DDX17: variants seen among roughly 807,000 people sequenced by gnomAD.
DDX17 encodes the protein probable ATP-dependent RNA helicase DDX17.
In DDX17, 10 loss-of-function variants were observed where a neutral mutation model predicts 80.8. That is an observed-to-expected ratio of 0.12 (90% CI 0.08 to 0.21). DDX17 has a LOEUF of 0.21. DDX17 is among the 10% of genes least tolerant of loss of function. DDX17 has a pLI of 1.00. For missense variants in DDX17, 586 were observed against 957.4 expected (o/e 0.61, Z 5.12); for synonymous variants, 339 against 336.2 (o/e 1.01, Z -0.09).
chr22:38,501,252 G>C lies in DDX17; in HGVS notation c.316C>G (p.Pro106Ala). ...CCAGGATTACCAAATTTCTTCGGGG[G>C]AAGGCCACCACCACCTCTTGCTCCA... is the stretch of plus-strand genomic sequence containing the variant. The change falls in exon 2 of 13, where the codon CCC (proline) becomes GCC (alanine). Residue 106 changes from proline (P) to alanine (A), a missense_variant. By Grantham distance (27) the Pro-to-Ala change is conservative. Transcript: ENST00000403230. 7.4e-6 allele frequency: 12 copies of C among 1,612,230 alleles called. No individual in the cohort carries two copies. The highest frequency in any genetic ancestry group is 9.3e-6 in the Non-Finnish European group (11 of 1,179,192).
chr22:38,501,400 C>G, intron 1 of DDX17, 120 bp from the exon 2 acceptor site: 1 of 1,189,982 alleles, frequency 8.4e-7, no homozygotes, highest in Middle Eastern at 2.0e-4. Context: ...TCCAAAAAGA[C>G]CATTTTATTT....
At chr22:38,497,648 T>G (rs1260584485) in intron 5 of DDX17, among the ~76,000 whole-genome samples, 1 of 93,356 alleles carries the variant, frequency 1.1e-5, no homozygotes, top group Admixed American at 1.2e-4. Context: ...GAAAGAAGGC[T>G]GGACGCAGTG....
chr22:38,485,804 TG>T lies in DDX17; in HGVS notation c.*130del. 8.0e-7 allele frequency: 1 copy of T among 1,244,584 alleles called. No individual in the cohort carries two copies. The highest frequency in any genetic ancestry group is 1.0e-6 in the Non-Finnish European group (1 of 977,236). The allele number at this position is 1,244,584 out of a possible 1,614,324, so 77.1% of individuals were successfully genotyped here. A position where few individuals can be genotyped will look rare whatever the true frequency, so the allele number is the denominator to read the frequency against. The stretch of plus-strand genomic sequence containing the variant: ...GCATGAAAAGACAAATCACGATGGT[TG>T]GGGGGAAAAATTAAAAAAAAAAAAA... On this transcript the variant is annotated 3_prime_UTR_variant, in exon 13 of 13. Transcript: ENST00000403230.
intron 10 of DDX17, among the ~76,000 whole-genome samples, chr22:38,493,079 T>C (rs757041681): frequency 1.3e-4 from 20 of 152,312 alleles, no homozygotes; most frequent in East Asian, 1.9e-4. Context: ...ACGCTAAAAG[T>C]ACCCTCAGTA....
In DDX17 at chr22:38,486,352, G is replaced by C; in HGVS notation, c.1773C>G (p.Val591=). 1.2e-6 allele frequency: 2 copies of C among 1,614,140 alleles called. No individual in the cohort carries two copies. ...CAGAGTCTCTCCGGCCACCATCCTT[G>C]ACTCCTCGAAGCCTTCGGTCACACT... Residue 591 remains valine, a synonymous_variant, in exon 13 of 13, where the codon GTC becomes GTG. Transcript: ENST00000403230.
At position 38,484,854 on chromosome 22, in the gene DDX17, G is replaced by A. The variant is rs893126788; in HGVS notation, c.*1081C>T. On this transcript the variant is annotated 3_prime_UTR_variant, in exon 13 of 13. Coordinates refer to ENST00000403230, the MANE Select transcript of DDX17 (RefSeq NM_006386.5). The stretch of plus-strand genomic sequence containing the variant: ...GTTAGAAAGCACTGCAGAGAACAGG[G>A]TATGAAGAAAATAAAGAGTTCTTAA... 1.3e-5 allele frequency: 2 copies of A among 152,170 alleles called. No homozygotes were observed. The highest frequency in any genetic ancestry group is 2.4e-5 in the African/African-American group (1 of 41,422). The allele number at this position is 152,170 out of a possible 1,614,324, so 9.4% of individuals were successfully genotyped here.
chr22:38,486,122 G>C lies in DDX17; in HGVS notation c.2003C>G (p.Thr668Ser), dbSNP rs1200228220. ...GCTAGAGCTCTGTGAACTTCTCCCA[G>C]TTGAGGTGGTGCTACTAGCTCCATA... Residue 668 changes from threonine to serine, a missense_variant, in exon 13 of 13, where the codon ACT becomes AGT. Transcript: ENST00000403230. 3.1e-6 allele frequency: 5 copies of C among 1,614,118 alleles called. No homozygotes were observed. Among genetic ancestry groups the C allele is most frequent in the Non-Finnish European group, 3.4e-6 (4 of 1,180,058 alleles).
intron 1 of DDX17, among the ~76,000 whole-genome samples, chr22:38,504,619 A>T (rs1423648617): frequency 1.3e-5 from 2 of 152,176 alleles, no homozygotes; most frequent in Non-Finnish European, 2.9e-5. Flanking sequence ...TTCCTTCCTA[A>T]TAAGGTATAA....
Position 38,498,422 on chromosome 22 carries a change from T to C in DDX17, c.672+18A>G. 2 of 1,613,660 alleles carry C rather than the reference T, an allele frequency of 1.2e-6. No homozygotes were observed. The highest frequency in any genetic ancestry group is 1.7e-6 in the Non-Finnish European group (2 of 1,179,688). On this transcript the variant is annotated intron_variant, in intron 4 of 12. Coordinates refer to ENST00000403230, the MANE Select transcript of DDX17 (RefSeq NM_006386.5). ...TAAGTTACCACAATATCAAGGATCT[T>C]CTCTTGCTCATACATACCGCCAACG...
Position 38,488,354 on chromosome 22 carries a change from G to C in DDX17, c.1448-239C>G. 4.3e-6 allele frequency: 6 copies of C among 1,385,670 alleles called. No individual in the cohort carries two copies. In the South Asian group the frequency reaches 4.7e-5, roughly 11 times the overall value. The allele number at this position is 1,385,670 out of a possible 1,614,324, so 85.8% of individuals were successfully genotyped here. On this transcript the variant is annotated intron_variant, in intron 11 of 12. Coordinates refer to ENST00000403230, the MANE Select transcript of DDX17 (RefSeq NM_006386.5). ...ATCTTTATTGGCTGTAGAATCCTAA[G>C]GGAATCCCATCCAAACATCCAAACT...
At chr22:38,490,018 T>C (rs2089697711) in intron 11 of DDX17, 2 of 1,043,148 alleles carry the variant, frequency 1.9e-6, no homozygotes, top group South Asian at 6.4e-5. Flanking sequence ...CACATGCTAA[T>C]ACTTGGAAGT....
chr22:38,505,853 C>T, intron 1 of DDX17, 98 bp downstream of exon 1: 1 of 1,424,550 alleles, frequency 7.0e-7, no homozygotes. Flanking sequence ...CCTCCCGGGT[C>T]GAGAGCAAGG....
At chr22:38,497,297 C>CAAAAAAA (rs138448) in intron 5 of DDX17, among the ~76,000 whole-genome samples, 14 of 36,162 alleles carry the variant, frequency 3.9e-4, no homozygotes, top group East Asian at 8.8e-4. Flanking sequence ...AACTCCATCT[C>CAAAAAAA]AAAAAAAAAA....
intron 3 of DDX17, among the ~76,000 whole-genome samples, chr22:38,498,874 G>C (rs1023364667): frequency 2.0e-5 from 3 of 152,170 alleles, no homozygotes; most frequent in Non-Finnish European, 4.4e-5. Context: ...AAATTAGCCA[G>C]AGTGGTGGTG....
intron 10 of DDX17, 127 bp downstream of exon 10, chr22:38,493,583 A>C (rs2089733510): frequency 1.4e-6 from 1 of 729,546 alleles, no homozygotes. Flanking sequence ...CATTTGGTTT[A>C]CAAAGCCAAG....
chr22:38,493,903 A>C (rs916874397), intron 9 of DDX17, 118 bp downstream of exon 9: 1 of 1,222,426 alleles, frequency 8.2e-7, no homozygotes, highest in African/African-American at 1.5e-5. Flanking sequence ...GTGCTCATTA[A>C]AAGAGCAAAC....
Position 38,501,143 on chromosome 22 carries a change from G to C in DDX17, c.425C>G (p.Ala142Gly). The C allele has an allele frequency of 6.2e-7, 1 of 1,613,698 alleles. No homozygotes were observed. The highest frequency in any genetic ancestry group is 1.3e-5 in the African/African-American group (1 of 74,962). ...ATGTAAACTTACTGGTGTCAGCCTT[G>C]CTACTTCCGGATGTTCCACATAAAA... The change falls in exon 2 of 13, where the codon GCA (alanine) becomes GGA (glycine). Residue 142 changes from alanine (A) to glycine (G), a missense_variant. This residue lies in a region of DDX17 where 215 missense variants were observed against 238.4 expected (regional missense o/e 0.90). Coordinates refer to ENST00000403230, the MANE Select transcript of DDX17 (RefSeq NM_006386.5).
In DDX17 at chr22:38,489,278, CTT is replaced by C. The variant is rs1338519955; in HGVS notation, c.1448-1165_1448-1164del. On this transcript the variant is annotated intron_variant, in intron 11 of 12. Transcript: ENST00000403230. This position sits in a 1 kb window ranked among gnomAD's most constrained non-coding sequence, Gnocchi z 4.6. Reference sequence around the variant, plus strand: ...GAAACCGCTGCAGCCGATCCCGTCTCTTTGCCTTTTATTTTTGGCGGCCTCCT... The same window carrying C: ...GAAACCGCTGCAGCCGATCCCGTCTCTGCCTTTTATTTTTGGCGGCCTCCT... The C allele has an allele frequency of 1.0e-6, 1 of 985,696 alleles. No individual in the cohort carries two copies. Among genetic ancestry groups the C allele is most frequent in the East Asian group, 1.1e-4 (1 of 8,824 alleles). The allele number at this position is 985,696 out of a possible 1,614,324, so 61.1% of individuals were successfully genotyped here. A position where few individuals can be genotyped will look rare whatever the true frequency, so the allele number is the denominator to read the frequency against.
intron 11 of DDX17, chr22:38,488,629 T>C (rs2089685115): frequency 2.0e-6 from 2 of 987,706 alleles, no homozygotes; most frequent in Admixed American, 5.9e-5. Context: ...TATATTTTAT[T>C]ACTACAATTT....
Sources: gnomAD v4.1 joint callset for allele counts (sites outside exome capture counted in the v4.1 genomes callset) on GRCh38, gnomAD v4.1.1 for gene constraint, gnomAD v4.1.1 regional missense constraint, Gnocchi (gnomAD v3.1) non-coding constraint, MANE v1.5 for transcripts, NCBI Gene and HGNC (gene_info 2026-07-23, HGNC 2026-07-21) for gene names.